Variants in ADGRB3 observed in about 807,000 individuals in gnomAD.
The protein encoded by ADGRB3 is adhesion G protein-coupled receptor B3.
ADGRB3 carries 37 observed loss-of-function variants against 193.4 expected under a neutral mutation model. The ratio of observed to expected loss-of-function variants is 0.19; its 90% CI spans 0.15 to 0.25. The LOEUF (loss-of-function observed/expected upper bound fraction) is 0.25. ADGRB3 is among the 10% of genes least tolerant of loss of function. The probability of loss-of-function intolerance (pLI) is 1.00; values close to 1 mark genes in which losing one functional copy is unlikely to be tolerated. For synonymous variants in ADGRB3, 690 were observed against 644.2 expected (o/e 1.07, Z -1.08); for missense variants, 1,637 against 1,852.9 (o/e 0.88, Z 2.14).
intron 29 of ADGRB3, 49 bp downstream of exon 29, chr6:69,361,561 G>C: frequency 6.5e-7 from 1 of 1,533,496 alleles, no homozygotes; most frequent in East Asian, 2.3e-5. Context: ...AATATGAATA[G>C]ATATAAATAG....
chr6:69,262,824 T>TA lies in ADGRB3; in HGVS notation c.2814+23608dup, dbSNP rs11358055. Among the ~76,000 whole-genome samples the TA allele has an allele frequency of 9.1e-3, 1,359 of 149,768 alleles. 18 individuals carry two copies. Among genetic ancestry groups the TA allele is most frequent in the African/African-American group, 0.03 (1,255 of 41,158 alleles). On this transcript the variant is annotated intron_variant, in intron 20 of 31. Transcript: ENST00000370598. ...CTTTACCATAGGTATGTATGTGTCATAAAAAAAAAATATTATAGATAGGGT... is the reference window on the plus strand; with the variant it reads ...CTTTACCATAGGTATGTATGTGTCATAAAAAAAAAAATATTATAGATAGGGT...
At chr6:69,104,203 C>T (rs1314753405) in intron 17 of ADGRB3, among the ~76,000 whole-genome samples, 1 of 127,092 alleles carries the variant, frequency 7.9e-6, no homozygotes, top group Non-Finnish European at 1.6e-5. Context: ...GACCCCACAA[C>T]AGTCCCCAGA....
intron 31 of ADGRB3, among the ~76,000 whole-genome samples, chr6:69,386,268 T>C (rs988182722): frequency 2.0e-5 from 3 of 152,150 alleles, no homozygotes; most frequent in Non-Finnish European, 2.9e-5. Context: ...TTTGAAATCA[T>C]ATCTGTTCCA....
chr6:68,758,303 C>T (rs1766334913), intron 3 of ADGRB3, among the ~76,000 whole-genome samples: 1 of 152,070 alleles, frequency 6.6e-6, no homozygotes, highest in Non-Finnish European at 1.5e-5. Flanking sequence ...ATCGTCATGG[C>T]CATTACCATC....
intron 17 of ADGRB3, among the ~76,000 whole-genome samples, chr6:69,106,331 C>A (rs1184712270): frequency 2.0e-5 from 3 of 151,948 alleles, no homozygotes; most frequent in Admixed American, 2.0e-4. Flanking sequence ...CATTTCCAGG[C>A]ATATGCTTGT....
Position 68,685,825 on chromosome 6 carries a change from G to A in ADGRB3, c.757+46393G>A, listed in dbSNP as rs145807768. 1.7e-4 allele frequency among the ~76,000 whole-genome samples: 26 copies of A among 152,168 alleles called. No individual in the cohort carries two copies. The South Asian group carries it at 2.3e-3, about 13-fold the overall frequency. Reference sequence around the variant, plus strand: ...GAGAATTGCTTAAATCTGGAGGGGCGGAGGTTGCAGTGAGCCAAGATGGCG... The same window carrying A: ...GAGAATTGCTTAAATCTGGAGGGGCAGAGGTTGCAGTGAGCCAAGATGGCG... On this transcript the variant is annotated intron_variant, in intron 3 of 31. Transcript: ENST00000370598.
intron 17 of ADGRB3, among the ~76,000 whole-genome samples, chr6:69,104,991 G>C (rs1174726061): frequency 6.6e-6 from 1 of 152,100 alleles, no homozygotes; most frequent in Non-Finnish European, 1.5e-5. Flanking sequence ...TTTTAACATT[G>C]TAGTTTATAG....
At chr6:68,695,248 A>G (rs1032466722) in intron 3 of ADGRB3, among the ~76,000 whole-genome samples, 4 of 152,066 alleles carry the variant, frequency 2.6e-5, no homozygotes, top group African/African-American at 4.8e-5. Flanking sequence ...AAAAATGGCT[A>G]TAATTGAAAA....
At chr6:68,698,921 T>G (rs1765197929) in intron 3 of ADGRB3, among the ~76,000 whole-genome samples, 1 of 152,102 alleles carries the variant, frequency 6.6e-6, no homozygotes, top group South Asian at 2.1e-4. Context: ...ATATAGATTA[T>G]TTGTACAAAT....
chr6:68,848,482 G>C (rs970135296), intron 3 of ADGRB3, among the ~76,000 whole-genome samples: 1 of 152,102 alleles, frequency 6.6e-6, no homozygotes, highest in Middle Eastern at 3.4e-3. Flanking sequence ...ACTTGGGAGT[G>C]AAAAGTCATA....
intron 2 of ADGRB3, among the ~76,000 whole-genome samples, chr6:68,637,920 A>G (rs180944358): frequency 1.4e-4 from 21 of 152,220 alleles, no homozygotes; most frequent in Admixed American, 1.0e-3. Context: ...CTGGTTCTCA[A>G]TGGTGATGTT....
chr6:68,916,389 C>G (rs1766880067), intron 3 of ADGRB3, among the ~76,000 whole-genome samples: 1 of 152,110 alleles, frequency 6.6e-6, no homozygotes, highest in Admixed American at 6.6e-5. Context: ...TCTCCTTCCC[C>G]TCTCTCTCCT....
intron 1 of ADGRB3, among the ~76,000 whole-genome samples, chr6:68,636,734 A>T (rs1301620727): frequency 6.6e-6 from 1 of 152,214 alleles, no homozygotes; most frequent in Non-Finnish European, 1.5e-5. Flanking sequence ...ATCATTGATG[A>T]GCACGGCATT....
chr6:69,371,833 T>C (rs1025406257), intron 29 of ADGRB3, among the ~76,000 whole-genome samples: 6 of 152,068 alleles, frequency 3.9e-5, no homozygotes, highest in African/African-American at 1.4e-4. Context: ...CTAGAACAAA[T>C]ACGTTAGTTC....
chr6:68,920,351 C>G (rs1409372545), intron 3 of ADGRB3, among the ~76,000 whole-genome samples: 1 of 151,840 alleles, frequency 6.6e-6, no homozygotes, highest in East Asian at 1.9e-4. Flanking sequence ...AACCCCATTT[C>G]TACTAAAAAT....
intron 8 of ADGRB3, among the ~76,000 whole-genome samples, chr6:68,960,500 C>T (rs1768202301): frequency 1.3e-5 from 2 of 152,116 alleles, no homozygotes; most frequent in Admixed American, 6.6e-5. Context: ...AATGTGATCC[C>T]CATCCCCACC....
At chr6:69,172,285 C>T (rs911779883) in intron 17 of ADGRB3, among the ~76,000 whole-genome samples, 42 of 152,014 alleles carry the variant, frequency 2.8e-4, no homozygotes, top group Non-Finnish European at 2.6e-4. Flanking sequence ...ATAGCAATGA[C>T]CAATACAGAC....
At chr6:69,001,681 G>C (rs1409549302) in intron 11 of ADGRB3, among the ~76,000 whole-genome samples, 1 of 152,068 alleles carries the variant, frequency 6.6e-6, no homozygotes, top group African/African-American at 2.4e-5. Context: ...AGAAAATATT[G>C]GAAAAAATAC....
At chr6:69,171,543 T>C (rs1275689342) in intron 17 of ADGRB3, among the ~76,000 whole-genome samples, 9 of 152,218 alleles carry the variant, frequency 5.9e-5, no homozygotes, top group Admixed American at 5.9e-4. Context: ...TGATTTATCT[T>C]AGTCTCTTCC....
Sources: gnomAD v4.1 joint callset for allele counts (sites outside exome capture counted in the v4.1 genomes callset) on GRCh38, gnomAD v4.1.1 for gene constraint, MANE v1.5 for transcripts, NCBI Gene and HGNC (gene_info 2026-07-23, HGNC 2026-07-21) for gene names.